SLIT3: variants seen among roughly 807,000 people sequenced by gnomAD.
The protein encoded by SLIT3 is slit guidance ligand 3, also known as slit homolog 3 protein.
Under a neutral mutation model 184.0 loss-of-function variants are expected in SLIT3, and 68 were observed. That is an observed-to-expected ratio of 0.37 (90% CI 0.30 to 0.45). The LOEUF is 0.45. Among genes scored for constraint, SLIT3 ranks in the 20% least tolerant of loss-of-function variants. The pLI, the probability that SLIT3 is intolerant of heterozygous loss-of-function variation, is 1.00. For missense variants in SLIT3, 1,707 were observed against 2,026.0 expected (o/e 0.84, Z 3.02); for synonymous variants, 831 against 828.6 (o/e 1.00, Z -0.05).
At chr5:169,204,503 A>G (rs11739337) in intron 3 of SLIT3, among the ~76,000 whole-genome samples, 43,067 of 152,144 alleles carry the variant, frequency 0.28, 6,883 homozygotes, top group East Asian at 0.69. Context: ...CAGTGCTGAT[A>G]AGAATGACAT....
At chr5:168,919,396 C>T (rs1297073022) in intron 4 of SLIT3, among the ~76,000 whole-genome samples, 1 of 152,080 alleles carries the variant, frequency 6.6e-6, no homozygotes, top group Non-Finnish European at 1.5e-5. Context: ...TTCTAGTGCA[C>T]TTAGCTACCA....
intron 4 of SLIT3, among the ~76,000 whole-genome samples, chr5:169,052,857 C>T (rs1368703805): frequency 2.0e-5 from 3 of 152,130 alleles, no homozygotes; most frequent in East Asian, 1.9e-4. Context: ...TCGGCCTTTT[C>T]CTGGGGAGCA....
chr5:168,700,716 G>A (rs1417350122), intron 26 of SLIT3, 37 bp from the exon 27 acceptor site: 1 of 1,520,118 alleles, frequency 6.6e-7, no homozygotes, highest in Admixed American at 1.7e-5. Flanking sequence ...CTGGTTAGGG[G>A]GACTTCTGGG....
intron 1 of SLIT3, among the ~76,000 whole-genome samples, chr5:169,272,893 G>A (rs1264474313): frequency 6.6e-6 from 1 of 152,148 alleles, no homozygotes; most frequent in Non-Finnish European, 1.5e-5. Context: ...TTCTTGTCAT[G>A]CTTAATTACA....
intron 4 of SLIT3, among the ~76,000 whole-genome samples, chr5:169,178,615 C>G (rs1763055719): frequency 6.6e-6 from 1 of 152,136 alleles, no homozygotes; most frequent in African/African-American, 2.4e-5. Context: ...TTCTTTCTTT[C>G]CTTTCTATTA....
At chr5:169,073,512 T>C (rs184359743) in intron 4 of SLIT3, among the ~76,000 whole-genome samples, 3 of 152,124 alleles carry the variant, frequency 2.0e-5, no homozygotes, top group East Asian at 3.9e-4. Flanking sequence ...AATCAGACAA[T>C]GTCAGTGATG....
At chr5:169,299,561 C>T (rs559488380) in intron 1 of SLIT3, among the ~76,000 whole-genome samples, 1 of 152,304 alleles carries the variant, frequency 6.6e-6, no homozygotes, top group Admixed American at 6.5e-5. Context: ...CCCACCCACT[C>T]CAGCGTTTCT....
intron 4 of SLIT3, among the ~76,000 whole-genome samples, chr5:168,971,919 A>C (rs1314362685): frequency 6.6e-6 from 1 of 152,224 alleles, no homozygotes; most frequent in Non-Finnish European, 1.5e-5. Context: ...GAGAGAGTTC[A>C]ATGGACTTAG....
At chr5:168,704,883 C>T (rs1275010934) in intron 26 of SLIT3, among the ~76,000 whole-genome samples, 1 of 152,180 alleles carries the variant, frequency 6.6e-6, no homozygotes. Context: ...ATCTTAGTCG[C>T]TCTGTTTGGG....
At chr5:169,144,788 C>T (rs1472113664) in intron 4 of SLIT3, among the ~76,000 whole-genome samples, 1 of 152,214 alleles carries the variant, frequency 6.6e-6, no homozygotes, top group Non-Finnish European at 1.5e-5. Flanking sequence ...CAAAGTCCTG[C>T]AACCTGGGCA....
intron 4 of SLIT3, among the ~76,000 whole-genome samples, chr5:169,019,813 T>G (rs1164673165): frequency 1.3e-5 from 2 of 152,258 alleles, no homozygotes; most frequent in African/African-American, 4.8e-5. Context: ...TTATAAAGGA[T>G]TAAATATGTT....
At chr5:169,222,819 C>T (rs1232679137) in intron 3 of SLIT3, among the ~76,000 whole-genome samples, 1 of 152,182 alleles carries the variant, frequency 6.6e-6, no homozygotes, top group Non-Finnish European at 1.5e-5. Flanking sequence ...GCACTTCAGC[C>T]ATTGTCACCC....
At chr5:169,147,868 G>T (rs1438132304) in intron 4 of SLIT3, among the ~76,000 whole-genome samples, 1 of 152,162 alleles carries the variant, frequency 6.6e-6, no homozygotes, top group Non-Finnish European at 1.5e-5. Flanking sequence ...CCCACCTACT[G>T]CCATGAAAAC....
intron 15 of SLIT3, among the ~76,000 whole-genome samples, chr5:168,762,021 C>T (rs948322795): frequency 6.6e-6 from 1 of 151,344 alleles, no homozygotes; most frequent in African/African-American, 2.4e-5. Context: ...TCCTCTCCCC[C>T]TGGCCTCCCA....
chr5:168,979,790 T>C (rs2113351808), intron 4 of SLIT3, among the ~76,000 whole-genome samples: 1 of 152,328 alleles, frequency 6.6e-6, no homozygotes, highest in South Asian at 2.1e-4. Flanking sequence ...GGACTCAGGT[T>C]CCCACACAAA....
At chr5:169,063,760 C>T (rs1314301766) in intron 4 of SLIT3, among the ~76,000 whole-genome samples, 4 of 152,310 alleles carry the variant, frequency 2.6e-5, no homozygotes, top group Non-Finnish European at 5.9e-5. Flanking sequence ...CCTGAAGCTC[C>T]GGAATGTTCA....
At chr5:169,299,646 C>T (rs528684702) in intron 1 of SLIT3, among the ~76,000 whole-genome samples, 1 of 152,158 alleles carries the variant, frequency 6.6e-6, no homozygotes, top group Admixed American at 6.5e-5. Flanking sequence ...GAATCTGGTC[C>T]GAGGATCAAA....
chr5:168,914,250 C>G (rs1189868172), intron 4 of SLIT3, among the ~76,000 whole-genome samples: 1 of 152,130 alleles, frequency 6.6e-6, no homozygotes, highest in African/African-American at 2.4e-5. Context: ...CCAAGGGGGT[C>G]TCCGAATTAA....
intron 25 of SLIT3, 128 bp from the exon 26 acceptor site, chr5:168,708,228 A>G: frequency 7.7e-7 from 1 of 1,302,390 alleles, no homozygotes; most frequent in Non-Finnish European, 1.1e-6. Context: ...CCCAGATGGC[A>G]GCTGGCTCTC....
Sources: gnomAD v4.1 joint callset for allele counts (sites outside exome capture counted in the v4.1 genomes callset) on GRCh38, gnomAD v4.1.1 for gene constraint, MANE v1.5 for transcripts, NCBI Gene and HGNC (gene_info 2026-07-23, HGNC 2026-07-21) for gene names.